The following TSC22D1 variants were observed in gnomAD, a reference collection of about 807,000 sequenced individuals.
The protein encoded by TSC22D1 is TSC22 domain family protein 1.
Under a neutral mutation model 74.2 loss-of-function variants are expected in TSC22D1, and 9 were observed. The observed-to-expected ratio is 0.12, with a 90% CI of 0.07 to 0.21. TSC22D1 has a LOEUF of 0.21. Ranked by LOEUF, TSC22D1 falls within the 10% of genes least tolerant of loss-of-function variation. The pLI is 1.00. For synonymous variants in TSC22D1, 586 were observed against 492.5 expected (o/e 1.19, Z -2.51); for missense variants, 1,427 against 1,304.7 (o/e 1.09, Z -1.44).
At chr13:44,489,181 C>T (rs1331364070) in intron 1 of TSC22D1, among the ~76,000 whole-genome samples, 1 of 140,666 alleles carries the variant, frequency 7.1e-6, no homozygotes, top group Admixed American at 7.5e-5. Flanking sequence ...GAAAAAATTA[C>T]TTTTGAGCCT....
At chr13:44,543,042 T>TA (rs1196311023) in intron 1 of TSC22D1, among the ~76,000 whole-genome samples, 5 of 152,182 alleles carry the variant, frequency 3.3e-5, no homozygotes, top group Non-Finnish European at 7.4e-5. Flanking sequence ...AAATGGCTGT[T>TA]ATAGATCTAT....
At chr13:44,483,471 C>T (rs1431877739) in intron 1 of TSC22D1, among the ~76,000 whole-genome samples, 2 of 152,010 alleles carry the variant, frequency 1.3e-5, no homozygotes, top group Non-Finnish European at 1.5e-5. Context: ...ACCATCCTGG[C>T]TAACACAGTG....
chr13:44,575,980 C>A lies in TSC22D1; in HGVS notation c.95G>T (p.Gly32Val). Residue 32 changes from glycine to valine, a missense_variant, in exon 1 of 3, where the codon GGC (glycine) becomes GTC (valine). Coordinates refer to ENST00000458659, the MANE Select transcript of TSC22D1 (RefSeq NM_183422.4). Reference protein sequence around the residue: ...MAHPAMFPRRGSGSGSASALN... With the variant: ...MAHPAMFPRRVSGSGSASALN... ...AGCAGAGGCGCTGCCACTACCGCTG[C>A]CCCTTCGAGGGAACATTGCCGGGTG... 1 of 1,601,854 alleles carries A rather than the reference C, an allele frequency of 6.2e-7. No homozygotes were observed.
rs567626035 is a variant in TSC22D1, at chr13:44,512,359, C to T, written c.2912+60804G>A. On this transcript the variant is annotated intron_variant, in intron 1 of 2. Coordinates refer to ENST00000458659, the MANE Select transcript of TSC22D1 (RefSeq NM_183422.4). Reference sequence around the variant, plus strand: ...TAATTTTTTGTATTTTTAGTAGAGACGGGGTTTCACCGTGTTAGCCAGGAT... The same window carrying T: ...TAATTTTTTGTATTTTTAGTAGAGATGGGGTTTCACCGTGTTAGCCAGGAT... Among the ~76,000 whole-genome samples the T allele has an allele frequency of 1.5e-3, 228 of 151,642 alleles. 1 individual carries two copies. Among genetic ancestry groups the T allele is most frequent in the Non-Finnish European group, 2.6e-3 (178 of 67,882 alleles).
At chr13:44,465,800 C>T (rs552751885) in intron 1 of TSC22D1, among the ~76,000 whole-genome samples, 1 of 152,184 alleles carries the variant, frequency 6.6e-6, no homozygotes, top group African/African-American at 2.4e-5. Context: ...TGGTGAAACC[C>T]TGTCTCTACT....
chr13:44,497,609 C>T (rs1595118706), intron 1 of TSC22D1, among the ~76,000 whole-genome samples: 1 of 152,280 alleles, frequency 6.6e-6, no homozygotes, highest in East Asian at 1.9e-4. Flanking sequence ...AATCAGAAAG[C>T]CACAAATTAT....
chr13:44,562,681 C>G (rs1178163828), intron 1 of TSC22D1, among the ~76,000 whole-genome samples: 1 of 152,168 alleles, frequency 6.6e-6, no homozygotes, highest in Non-Finnish European at 1.5e-5. Context: ...GCAAACGTCT[C>G]TACAATCACT....
intron 1 of TSC22D1, among the ~76,000 whole-genome samples, chr13:44,455,714 A>G (rs938386445): frequency 1.5e-4 from 23 of 152,178 alleles, no homozygotes; most frequent in African/African-American, 5.6e-4. Context: ...CATGAGAATT[A>G]ATCGCATAGG....
chr13:44,457,553 T>C (rs1266297106), intron 1 of TSC22D1, among the ~76,000 whole-genome samples: 2 of 148,460 alleles, frequency 1.3e-5, no homozygotes, highest in Admixed American at 1.4e-4. Flanking sequence ...GGTAAAGCAA[T>C]TTCAAGGGCT....
intron 1 of TSC22D1, among the ~76,000 whole-genome samples, chr13:44,554,081 C>G (rs1370776356): frequency 6.6e-6 from 1 of 152,162 alleles, no homozygotes; most frequent in Non-Finnish European, 1.5e-5. Flanking sequence ...AGGAATCACT[C>G]TTACTTAGCA....
intron 1 of TSC22D1, among the ~76,000 whole-genome samples, chr13:44,522,611 T>C (rs964605953): frequency 1.3e-5 from 2 of 152,210 alleles, no homozygotes; most frequent in South Asian, 4.1e-4. Flanking sequence ...AGAGTCTTCA[T>C]GGTGCTGGAC....
At chr13:44,481,830 G>C (rs926360705) in intron 1 of TSC22D1, among the ~76,000 whole-genome samples, 12 of 152,068 alleles carry the variant, frequency 7.9e-5, no homozygotes, top group Non-Finnish European at 1.3e-4. Context: ...AAGTCGGTGG[G>C]GGACATGCAA....
intron 1 of TSC22D1, among the ~76,000 whole-genome samples, chr13:44,571,971 T>C (rs1369923603): frequency 6.6e-6 from 1 of 152,172 alleles, no homozygotes; most frequent in Admixed American, 6.5e-5. Context: ...TTTTGCAATA[T>C]GCTCAATTTT....
At chr13:44,449,906 C>G (rs891129964) in intron 1 of TSC22D1, among the ~76,000 whole-genome samples, 3 of 152,156 alleles carry the variant, frequency 2.0e-5, no homozygotes, top group Non-Finnish European at 4.4e-5. Context: ...ACAGTGAGCA[C>G]CCATGAAAGG....
intron 2 of TSC22D1, 74 bp downstream of exon 2, chr13:44,435,970 C>G: frequency 7.2e-7 from 1 of 1,380,440 alleles, no homozygotes; most frequent in South Asian, 1.2e-5. Flanking sequence ...CTTAGGGATG[C>G]ACTGGTTCCA....
At chr13:44,482,068 A>G (rs1016256087) in intron 1 of TSC22D1, among the ~76,000 whole-genome samples, 4 of 152,014 alleles carry the variant, frequency 2.6e-5, no homozygotes, top group African/African-American at 7.3e-5. Context: ...TTATTTTCAT[A>G]TAAGTAATAT....
At chr13:44,548,636 C>T (rs908188655) in intron 1 of TSC22D1, among the ~76,000 whole-genome samples, 4 of 152,072 alleles carry the variant, frequency 2.6e-5, no homozygotes, top group African/African-American at 9.7e-5. Flanking sequence ...GACAGTAAAA[C>T]TTCAAAATAA....
intron 1 of TSC22D1, among the ~76,000 whole-genome samples, chr13:44,564,934 ACT>A (rs750581217): frequency 1.2e-4 from 19 of 152,278 alleles, no homozygotes; most frequent in Middle Eastern, 6.8e-3. Flanking sequence ...ATCAAGAATG[ACT>A]CTCAGGTTTC....
chr13:44,570,451 C>T (rs1883683220), intron 1 of TSC22D1, among the ~76,000 whole-genome samples: 1 of 152,114 alleles, frequency 6.6e-6, no homozygotes, highest in Non-Finnish European at 1.5e-5. Context: ...CTCAGCCTCC[C>T]AAAGTGCTGG....
Sources: allele counts gnomAD v4.1 joint callset (sites outside exome capture counted in the v4.1 genomes callset), GRCh38; gene constraint gnomAD v4.1.1; transcripts MANE v1.5; gene names NCBI Gene and HGNC (gene_info 2026-07-23, HGNC 2026-07-21).